Variants in LRRC37A2 observed in about 807,000 individuals in gnomAD.
The protein encoded by LRRC37A2 is leucine-rich repeat-containing protein 37A2.
Under a neutral mutation model 68.8 loss-of-function variants are expected in LRRC37A2, and 9 were observed. That is an observed-to-expected ratio of 0.13 (90% CI 0.08 to 0.23). The LOEUF (loss-of-function observed/expected upper bound fraction) is 0.23. Ranked by LOEUF, LRRC37A2 falls within the 10% of genes least tolerant of loss-of-function variation. The pLI, the probability that LRRC37A2 is intolerant of heterozygous loss-of-function variation, is 1.00. For synonymous variants in LRRC37A2, 63 were observed against 367.6 expected, an observed-to-expected ratio of 0.17 and a Z score of 9.48; for missense variants, 168 against 950.4, an observed-to-expected ratio of 0.18 and a Z score of 10.82.
the LRRC37A2 span, among the ~76,000 whole-genome samples, chr17:46,735,012 C>T: frequency 2.0e-5 from 3 of 152,132 alleles, no homozygotes; most frequent in East Asian, 3.9e-4. Flanking sequence ...TTCTTACCAC[C>T]GCACTCTAGC....
At chr17:46,931,537 C>G in the LRRC37A2 span, 1 of 389,962 alleles carries the variant, frequency 2.6e-6, no homozygotes, top group Non-Finnish European at 4.6e-6. Context: ...CTCTTTGGTT[C>G]CTGCTGGGTT....
the LRRC37A2 span, among the ~76,000 whole-genome samples, chr17:46,765,073 G>T: frequency 6.6e-6 from 1 of 152,240 alleles, no homozygotes; most frequent in Non-Finnish European, 1.5e-5. Flanking sequence ...ACTTAATTAC[G>T]AACAATTCCT....
the LRRC37A2 span, among the ~76,000 whole-genome samples, chr17:46,568,510 A>AC: frequency 8.4e-6 from 1 of 119,114 alleles, no homozygotes; most frequent in African/African-American, 3.4e-5. Context: ...AAAAAAAAAA[A>AC]AAGAGGGGGG....
chr17:46,918,964 C>G, the LRRC37A2 span, among the ~76,000 whole-genome samples: 2 of 152,328 alleles, frequency 1.3e-5, no homozygotes, highest in East Asian at 3.9e-4. Flanking sequence ...TTGAATCTCT[C>G]TTGAGTCACC....
the LRRC37A2 span, among the ~76,000 whole-genome samples, chr17:46,504,950 T>TTATTTAATACATTGATTTA: frequency 1.9e-5 from 2 of 106,594 alleles, no homozygotes; most frequent in East Asian, 3.4e-4. Context: ...ATTAACTAAT[T>TTATTTAATACATTGATTTA]TTGAGAGAGA....
At chr17:46,819,240 G>A in the LRRC37A2 span, among the ~76,000 whole-genome samples, 1 of 152,160 alleles carries the variant, frequency 6.6e-6, no homozygotes, top group Non-Finnish European at 1.5e-5. The surrounding 1 kb of genome is among the most constrained non-coding windows in gnomAD (Gnocchi z 5.3). Flanking sequence ...CTGGCCTCTC[G>A]TCCTGGCCGC....
chr17:46,905,175 G>A, the LRRC37A2 span, among the ~76,000 whole-genome samples: 130,726 of 151,780 alleles, frequency 0.86, 57,997 homozygotes, highest in East Asian at 0.97. Context: ...GGGTTCAAGC[G>A]ATTCTCCCTG....
the LRRC37A2 span, among the ~76,000 whole-genome samples, chr17:46,999,654 A>G: frequency 6.6e-6 from 1 of 151,642 alleles, no homozygotes; most frequent in Non-Finnish European, 1.5e-5. Context: ...CAGGCCTGTT[A>G]GGCGTTTCTT....
chr17:46,816,469 A>ACACG, the LRRC37A2 span, among the ~76,000 whole-genome samples: 3 of 77,446 alleles, frequency 3.9e-5, no homozygotes, highest in East Asian at 1.2e-3. Context: ...TAGACCCAGA[A>ACACG]CACACGCACA....
At chr17:46,741,223 G>A in the LRRC37A2 span, among the ~76,000 whole-genome samples, 2 of 152,192 alleles carry the variant, frequency 1.3e-5, no homozygotes, top group African/African-American at 4.8e-5. Context: ...GACAGAGAAT[G>A]AGGGGGTTTG....
At chr17:46,749,989 G>T in the LRRC37A2 span, 1 of 1,462,404 alleles carries the variant, frequency 6.8e-7, no homozygotes, top group Middle Eastern at 1.8e-4. Context: ...TATACCTGGT[G>T]TTTGGTTTTT....
chr17:47,045,478 T>TG, the LRRC37A2 span, among the ~76,000 whole-genome samples: 1 of 149,208 alleles, frequency 6.7e-6, no homozygotes, highest in African/African-American at 2.4e-5. Context: ...GGAACAGAGA[T>TG]TTAACAATTT....
chr17:46,816,736 G>A, the LRRC37A2 span, among the ~76,000 whole-genome samples: 1 of 152,132 alleles, frequency 6.6e-6, no homozygotes, highest in South Asian at 2.1e-4. Context: ...CATAGGGCCG[G>A]AGAGACTGGT....
the LRRC37A2 span, among the ~76,000 whole-genome samples, chr17:46,901,844 T>A: frequency 6.9e-6 from 1 of 145,138 alleles, no homozygotes; most frequent in Non-Finnish European, 1.5e-5. Flanking sequence ...TCTCACTCTG[T>A]CACCCAGGCT....
the LRRC37A2 span, among the ~76,000 whole-genome samples, chr17:46,991,246 A>G: frequency 1.3e-5 from 2 of 152,192 alleles, no homozygotes; most frequent in African/African-American, 4.8e-5. Context: ...ATTTGAATTT[A>G]TAAAATATGC....
chr17:46,803,843 G>A, the LRRC37A2 span, among the ~76,000 whole-genome samples: 2 of 152,244 alleles, frequency 1.3e-5, no homozygotes, highest in Non-Finnish European at 2.9e-5. Flanking sequence ...CAGGCTCACG[G>A]CTGTCTGGGC....
the LRRC37A2 span, among the ~76,000 whole-genome samples, chr17:46,822,038 T>TGGG: frequency 2.6e-5 from 4 of 151,860 alleles, no homozygotes; most frequent in African/African-American, 9.7e-5. Flanking sequence ...CGGACCAACC[T>TGGG]GGGGGGGTAA....
At chr17:47,005,043 A>G in the LRRC37A2 span, among the ~76,000 whole-genome samples, 1 of 152,242 alleles carries the variant, frequency 6.6e-6, no homozygotes, top group Non-Finnish European at 1.5e-5. Context: ...CCCAAGGTCC[A>G]TAGGAAGTGG....
chr17:47,036,692 GATTT>G, the LRRC37A2 span, among the ~76,000 whole-genome samples: 79 of 150,308 alleles, frequency 5.3e-4, 3 homozygotes, highest in South Asian at 0.016. Context: ...CTATTCTATT[GATTT>G]ATTTGTCTGT....
Sources: allele counts gnomAD v4.1 joint callset (sites outside exome capture counted in the v4.1 genomes callset), GRCh38; gene constraint gnomAD v4.1.1; non-coding constraint Gnocchi (gnomAD v3.1); transcripts MANE v1.5; gene names NCBI Gene and HGNC (gene_info 2026-07-23, HGNC 2026-07-21).